PES1: variants seen among roughly 807,000 people sequenced by gnomAD.
PES1 encodes pescadillo ribosomal biogenesis factor 1.
Under a neutral mutation model 77.1 loss-of-function variants are expected in PES1, and 31 were observed. The observed-to-expected ratio is 0.40, with a 90% CI of 0.30 to 0.54. PES1 has a LOEUF of 0.54. PES1 is among the 20% of genes least tolerant of loss of function. The pLI, the probability that PES1 is intolerant of heterozygous loss-of-function variation, is 0.45. For missense variants in PES1, 658 were observed against 771.7 expected, an observed-to-expected ratio of 0.85 and a Z score of 1.75; for synonymous variants, 282 against 303.0, an observed-to-expected ratio of 0.93 and a Z score of 0.72.
At position 30,576,914 on chromosome 22, in the gene PES1, G is replaced by T; in HGVS notation, c.*132C>A. 1.3e-6 allele frequency: 1 copy of T among 769,538 alleles called. No homozygotes were observed. The highest frequency in any genetic ancestry group is 2.2e-6 in the Non-Finnish European group (1 of 444,684). 47.7% of individuals were successfully genotyped at this position (769,538 alleles called of 1,614,324 possible). ...GCCCACTGGCCCAGCCAGAGAGCAT[G>T]AGGGGTCAGGGCTGGCTGGAGAAAG... On this transcript the variant is annotated 3_prime_UTR_variant, in exon 15 of 15. Coordinates refer to ENST00000354694, the MANE Select transcript of PES1 (RefSeq NM_014303.4).
intron 1 of PES1, chr22:30,606,792 C>T (rs1268670333): frequency 3.1e-6 from 3 of 980,094 alleles, no homozygotes; most frequent in Middle Eastern, 5.2e-4. Flanking sequence ...ACAGCTGACT[C>T]CAGCAATGCT....
rs1443772055 is a variant in PES1 at position 30,578,822 on chromosome 22, G to C, written c.1683+15C>G. The C allele has an allele frequency of 6.2e-7, 1 of 1,611,980 alleles. No individual in the cohort carries two copies. Among genetic ancestry groups the C allele is most frequent in the South Asian group, 1.1e-5 (1 of 90,980 alleles). ...GTGGCCACACCTGGATCTCAAGTGG[G>C]TGGCAAGAACTCACCTCTCGGATTT... On this transcript the variant is annotated intron_variant, in intron 14 of 14. Coordinates refer to ENST00000354694, the MANE Select transcript of PES1 (RefSeq NM_014303.4).
In PES1 at chr22:30,582,342, G is replaced by A. The variant is rs187983935; in HGVS notation, c.631-698C>T. Among the ~76,000 whole-genome samples, 3 of 152,322 alleles carry A rather than the reference G, an allele frequency of 2.0e-5. No homozygotes were observed. In the East Asian group the frequency reaches 5.8e-4, roughly 29 times the overall value. On this transcript the variant is annotated intron_variant, in intron 6 of 14. Coordinates refer to ENST00000354694, the MANE Select transcript of PES1 (RefSeq NM_014303.4). Reference sequence around the variant, plus strand: ...CAGAGGCATGACCCGAGGGGCCAGGGTAGGCTGGCAGCTGGCCTGGCTCAG... The same window carrying A: ...CAGAGGCATGACCCGAGGGGCCAGGATAGGCTGGCAGCTGGCCTGGCTCAG...
intron 1 of PES1, chr22:30,606,743 A>G (rs1226654539): frequency 3.5e-6 from 2 of 578,394 alleles, no homozygotes; most frequent in African/African-American, 2.6e-5. Context: ...CACCCCCACA[A>G]TCCCCTCCCG....
intron 2 of PES1, among the ~76,000 whole-genome samples, chr22:30,601,083 T>C (rs1464890563): frequency 1.3e-5 from 2 of 152,192 alleles, no homozygotes; most frequent in Non-Finnish European, 2.9e-5. Context: ...GAAGTTGCAT[T>C]TTCTTTTCTG....
At chr22:30,597,300 G>A (rs1175525123) in intron 2 of PES1, among the ~76,000 whole-genome samples, 1 of 151,980 alleles carries the variant, frequency 6.6e-6, no homozygotes, top group Non-Finnish European at 1.5e-5. Flanking sequence ...GCCAGTATGA[G>A]CTCCAGTAGG....
intron 12 of PES1, 130 bp downstream of exon 12, chr22:30,579,621 A>AT (rs2086951051): frequency 3.5e-6 from 3 of 854,170 alleles, no homozygotes; most frequent in Non-Finnish European, 5.5e-6. Flanking sequence ...CCTAAGCCTT[A>AT]TTCTACAGGT....
At chr22:30,584,878 C>G (rs2087052187) in intron 4 of PES1, among the ~76,000 whole-genome samples, 161 bp from the exon 5 acceptor site, 1 of 152,170 alleles carries the variant, frequency 6.6e-6, no homozygotes. Context: ...CTGACCACAG[C>G]CCCTAGGAGG....
intron 2 of PES1, among the ~76,000 whole-genome samples, chr22:30,599,761 A>G (rs2146494799): frequency 6.6e-6 from 1 of 152,196 alleles, no homozygotes; most frequent in East Asian, 1.9e-4. Flanking sequence ...TTAGCCAGGC[A>G]TGGTGGTACA....
At chr22:30,597,913 T>C in intron 2 of PES1, among the ~76,000 whole-genome samples, 1 of 130,144 alleles carries the variant, frequency 7.7e-6, no homozygotes, top group Non-Finnish European at 1.6e-5. Flanking sequence ...AGTCGGAGTC[T>C]CACTCTGTCG....
chr22:30,585,125 G>C (rs1030706729), intron 4 of PES1: 219 of 395,094 alleles, frequency 5.5e-4, no homozygotes, highest in Non-Finnish European at 2.3e-4. Context: ...AGCTGCCCTG[G>C]TGGAGCAGGG....
intron 2 of PES1, among the ~76,000 whole-genome samples, chr22:30,600,019 G>C (rs918181098): frequency 6.6e-6 from 1 of 151,476 alleles, no homozygotes; most frequent in Non-Finnish European, 1.5e-5. Flanking sequence ...TAAATGCCTG[G>C]GTCATTTTCA....
chr22:30,586,533 T>C (rs1490465762), intron 4 of PES1, among the ~76,000 whole-genome samples: 1 of 152,204 alleles, frequency 6.6e-6, no homozygotes, highest in East Asian at 1.9e-4. Context: ...GGGGGACTAC[T>C]ATAGCGTATT....
intron 9 of PES1, 62 bp downstream of exon 9, chr22:30,580,950 G>T: frequency 7.0e-7 from 1 of 1,430,230 alleles, no homozygotes; most frequent in Non-Finnish European, 9.7e-7. Context: ...ATGTCCCTAA[G>T]CTGGGAAACC....
intron 2 of PES1, among the ~76,000 whole-genome samples, chr22:30,603,579 A>C (rs974331486): frequency 1.9e-3 from 279 of 145,920 alleles, no homozygotes; most frequent in African/African-American, 6.7e-3. Flanking sequence ...ACTGGATTTC[A>C]CCCTGTTGGT....
intron 2 of PES1, among the ~76,000 whole-genome samples, chr22:30,602,497 C>T (rs1463328444): frequency 6.7e-6 from 1 of 149,244 alleles, no homozygotes; most frequent in Non-Finnish European, 1.5e-5. Flanking sequence ...GCTGCGATTA[C>T]AGGTGTGAAC....
chr22:30,580,936 G>A, intron 9 of PES1, 76 bp downstream of exon 9: 3 of 1,306,904 alleles, frequency 2.3e-6, no homozygotes, highest in East Asian at 2.4e-5. Flanking sequence ...ATTATAGGAT[G>A]CAAATGTCCC....
chr22:30,581,088 A>C lies in PES1; in HGVS notation c.836T>G (p.Leu279Arg). Residue 279 changes from leucine (L) to arginine (R), a missense_variant, in exon 9 of 15, where the codon CTC becomes CGC. Transcript: ENST00000354694. The part of the protein sequence containing the change: ...SESCMEKLAA[L>R]SASLARVVVP... The stretch of plus-strand genomic sequence containing the variant: ...CACCACGCGGGCCAGGCTGGCACTG[A>C]GGGCTGCCAGTTTCTACAGGAGAGA... 1.9e-6 allele frequency: 3 copies of C among 1,608,072 alleles called. No homozygotes were observed. Among genetic ancestry groups the C allele is most frequent in the Non-Finnish European group, 1.7e-6 (2 of 1,177,932 alleles).
chr22:30,577,240 A>C, intron 14 of PES1, 111 bp from the exon 15 acceptor site: 1 of 908,836 alleles, frequency 1.1e-6, no homozygotes. Context: ...AAAGGTCACA[A>C]ATTCTCACAG....
Sources: gnomAD v4.1 joint callset for allele counts (sites outside exome capture counted in the v4.1 genomes callset) on GRCh38, gnomAD v4.1.1 for gene constraint, MANE v1.5 for transcripts, NCBI Gene and HGNC (gene_info 2026-07-23, HGNC 2026-07-21) for gene names.